Variants in TNPO1 observed in about 807,000 individuals in gnomAD.
TNPO1 encodes transportin 1, also known as transportin-1.
Under a neutral mutation model 119.5 loss-of-function variants are expected in TNPO1, and 8 were observed. The observed-to-expected ratio is 0.07, with a 90% CI of 0.04 to 0.12. The LOEUF is 0.12. Among genes scored for constraint, TNPO1 ranks in the 10% least tolerant of loss-of-function variants. TNPO1 has a pLI of 1.00. For synonymous variants in TNPO1, 362 were observed against 363.0 expected, an observed-to-expected ratio of 1.00 and a Z score of 0.03; for missense variants, 576 against 1,089.8, an observed-to-expected ratio of 0.53 and a Z score of 6.64.
intron 20 of TNPO1, among the ~76,000 whole-genome samples, chr5:72,898,603 A>C (rs928185149): frequency 6.6e-6 from 1 of 152,128 alleles, no homozygotes; most frequent in Non-Finnish European, 1.5e-5. Context: ...AGCAGCTTTT[A>C]ATTACCATTA....
intron 3 of TNPO1, among the ~76,000 whole-genome samples, chr5:72,852,271 T>G (rs1290076004): frequency 1.3e-5 from 2 of 152,252 alleles, no homozygotes; most frequent in Non-Finnish European, 2.9e-5. Context: ...GTCATTTGAT[T>G]ATTTCTAATA....
intron 6 of TNPO1, chr5:72,871,932 A>G (rs1007085615): frequency 1.3e-5 from 2 of 152,150 alleles, no homozygotes; most frequent in Admixed American, 6.5e-5. Flanking sequence ...ATTAAGAGGG[A>G]AAAAAATGAC....
chr5:72,882,371 A>C, intron 9 of TNPO1, 96 bp from the exon 10 acceptor site: 1 of 792,104 alleles, frequency 1.3e-6, no homozygotes, highest in South Asian at 2.0e-5. Context: ...ACCATTGATT[A>C]TCTCATTGGT....
At chr5:72,854,898 AATTAT>A (rs758896885) in intron 3 of TNPO1, among the ~76,000 whole-genome samples, 18 of 152,180 alleles carry the variant, frequency 1.2e-4, no homozygotes, top group Non-Finnish European at 2.4e-4. Flanking sequence ...AATTAACAGC[AATTAT>A]ATTTGTTACA....
At chr5:72,896,401 A>G (rs1749430919) in intron 18 of TNPO1, 57 bp from the exon 19 acceptor site, 1 of 1,168,260 alleles carries the variant, frequency 8.6e-7, no homozygotes, top group Non-Finnish European at 1.2e-6. Context: ...GATTTCCTTT[A>G]AAGTACAATA....
intron 13 of TNPO1, among the ~76,000 whole-genome samples, chr5:72,888,771 G>T (rs1384180368): frequency 6.6e-6 from 1 of 152,194 alleles, no homozygotes; most frequent in Non-Finnish European, 1.5e-5. Flanking sequence ...CCATAACTCA[G>T]AAAGTCCCAC....
chr5:72,887,958 G>A (rs541580769), intron 12 of TNPO1, 120 bp from the exon 13 acceptor site: 2 of 895,138 alleles, frequency 2.2e-6, no homozygotes, highest in African/African-American at 1.7e-5. Context: ...GGTTATTGTA[G>A]TATGTGTATA....
intron 1 of TNPO1, among the ~76,000 whole-genome samples, chr5:72,817,444 C>G (rs989640290): frequency 1.3e-5 from 2 of 152,194 alleles, no homozygotes; most frequent in African/African-American, 4.8e-5. Context: ...CACAATCAAG[C>G]TATTTTCGGA....
At chr5:72,876,760 T>TAAATTTA (rs1747809254) in intron 8 of TNPO1, among the ~76,000 whole-genome samples, 1 of 152,184 alleles carries the variant, frequency 6.6e-6, no homozygotes, top group South Asian at 2.1e-4. Flanking sequence ...CAGTGTTTCT[T>TAAATTTA]AAATTTAACT....
chr5:72,874,305 T>A (rs1178524936), intron 7 of TNPO1, among the ~76,000 whole-genome samples: 1 of 152,136 alleles, frequency 6.6e-6, no homozygotes, highest in Non-Finnish European at 1.5e-5. Context: ...ATTGTTTTCA[T>A]GGTATCATGT....
At chr5:72,853,858 T>C (rs1251710348) in intron 3 of TNPO1, among the ~76,000 whole-genome samples, 2 of 152,234 alleles carry the variant, frequency 1.3e-5, no homozygotes, top group Non-Finnish European at 2.9e-5. Flanking sequence ...GATCAGCTGC[T>C]CTAATTATCT....
At chr5:72,902,062 C>T (rs374027861) in intron 22 of TNPO1, among the ~76,000 whole-genome samples, 8 of 148,018 alleles carry the variant, frequency 5.4e-5, no homozygotes, top group African/African-American at 1.7e-4. Context: ...GGGACAAGAG[C>T]GAGACTTCAT....
At chr5:72,826,450 C>G (rs1050913195) in intron 1 of TNPO1, among the ~76,000 whole-genome samples, 2 of 152,244 alleles carry the variant, frequency 1.3e-5, no homozygotes, top group African/African-American at 4.8e-5. Flanking sequence ...AAAGTTTACA[C>G]TATGTATTTT....
chr5:72,828,708 T>A (rs1580364191), intron 1 of TNPO1, among the ~76,000 whole-genome samples: 1 of 97,636 alleles, frequency 1.0e-5, no homozygotes, highest in East Asian at 2.6e-4. Context: ...GTTGTCCCAG[T>A]AACATCTTTT....
intron 12 of TNPO1, 135 bp from the exon 13 acceptor site, chr5:72,887,943 G>T: frequency 1.3e-6 from 1 of 789,010 alleles, no homozygotes; most frequent in Non-Finnish European, 2.0e-6. Context: ...AATAATTTTG[G>T]TATAGGTTAT....
In TNPO1 at chr5:72,855,671, T is replaced by G. The variant is rs928129257; in HGVS notation, c.206-103T>G. On this transcript the variant is annotated intron_variant, in intron 3 of 24. Transcript: ENST00000337273. ...TTATTTTAACTGGTTATAGCAAGTT[T>G]GAATGTCAATCAACTTTTGAATATA... The G allele has an allele frequency of 3.2e-6, 3 of 944,912 alleles. No individual in the cohort carries two copies. In the African/African-American group the frequency reaches 5.0e-5, roughly 16 times the overall value. The allele number at this position is 944,912 out of a possible 1,614,324, so 58.5% of individuals were successfully genotyped here.
intron 22 of TNPO1, among the ~76,000 whole-genome samples, chr5:72,901,659 C>T (rs910333973): frequency 1.3e-5 from 2 of 152,086 alleles, no homozygotes; most frequent in Non-Finnish European, 2.9e-5. Context: ...ATTTTCTAGA[C>T]ACACAAAACA....
At chr5:72,900,848 C>T (rs755449031) in intron 21 of TNPO1, 126 bp from the exon 22 acceptor site, 14 of 528,382 alleles carry the variant, frequency 2.6e-5, no homozygotes, top group Admixed American at 4.2e-5. Flanking sequence ...TAAAGCTTTC[C>T]GAAAAACTCT....
intron 15 of TNPO1, among the ~76,000 whole-genome samples, chr5:72,892,138 T>C (rs925678823): frequency 4.0e-5 from 6 of 151,338 alleles, no homozygotes; most frequent in African/African-American, 1.5e-4. Context: ...TAGTATAGAG[T>C]AGATAACATA....
Sources: gnomAD v4.1 joint callset for allele counts (sites outside exome capture counted in the v4.1 genomes callset) on GRCh38, gnomAD v4.1.1 for gene constraint, MANE v1.5 for transcripts, NCBI Gene and HGNC (gene_info 2026-07-23, HGNC 2026-07-21) for gene names.